CDH4: variants seen among roughly 807,000 people sequenced by gnomAD.
CDH4 encodes the protein cadherin-4.
CDH4 carries 33 observed loss-of-function variants against 86.0 expected under a neutral mutation model. The observed-to-expected ratio is 0.38, with a 90% CI of 0.29 to 0.51. The LOEUF (loss-of-function observed/expected upper bound fraction) is 0.51, where lower values mean the gene tolerates loss of function less well. Ranked by LOEUF, CDH4 falls within the 20% of genes least tolerant of loss-of-function variation. CDH4 has a pLI of 0.86. For synonymous variants in CDH4, 555 were observed against 549.4 expected (o/e 1.01, Z -0.14); for missense variants, 1,114 against 1,307.4 (o/e 0.85, Z 2.28).
Position 61,754,681 on chromosome 20 carries a change from C to T in CDH4, c.396+10892C>T, listed in dbSNP as rs1039242105. 3.4e-5 allele frequency among the ~76,000 whole-genome samples: 5 copies of T among 146,614 alleles called. No individual in the cohort carries two copies. The highest frequency in any genetic ancestry group is 1.3e-4 in the African/African-American group (5 of 39,462). On this transcript the variant is annotated intron_variant, in intron 3 of 15. Coordinates refer to ENST00000614565, the MANE Select transcript of CDH4 (RefSeq NM_001794.5). This position sits in a 1 kb window ranked among gnomAD's most constrained non-coding sequence, Gnocchi z 4.7. ...GCACACACGCCCCGCACACACTATG[C>T]ACACCACACACACAGTGCATGCCAC...
chr20:61,912,270 A>T lies in CDH4; in HGVS notation c.1374+1663A>T, dbSNP rs536107466. On this transcript the variant is annotated intron_variant, in intron 9 of 15. Transcript: ENST00000614565. ...CACTGCATAACATAATTATGGAAAC[A>T]TATCCCAAACTTCTCCTAAGGAAGA... 1.6e-4 allele frequency among the ~76,000 whole-genome samples: 25 copies of T among 152,332 alleles called. No individual in the cohort carries two copies. The South Asian group carries it at 5.0e-3, about 30-fold the overall frequency.
rs981470854 is a variant in CDH4 at position 61,419,604 on chromosome 20, C to T, written c.169+164667C>T. 3.2e-4 allele frequency among the ~76,000 whole-genome samples: 48 copies of T among 152,212 alleles called. 1 individual carries two copies. Among genetic ancestry groups the T allele is most frequent in the African/African-American group, 1.1e-3 (45 of 41,528 alleles). ...CCAGGAAGGTTCTGGCCCTGTCTGC[C>T]TCCCCAGCTCCCTCCCCACCCTCCC... On this transcript the variant is annotated intron_variant, in intron 2 of 15. Transcript: ENST00000614565.
At chr20:61,792,131 C>T (rs530991475) in intron 4 of CDH4, among the ~76,000 whole-genome samples, 3 of 152,100 alleles carry the variant, frequency 2.0e-5, no homozygotes, top group South Asian at 2.1e-4. Context: ...TGGGCTAGGA[C>T]AGTAGAGGCG....
intron 3 of CDH4, among the ~76,000 whole-genome samples, chr20:61,761,269 C>T (rs1439877288): frequency 6.6e-6 from 1 of 152,018 alleles, no homozygotes; most frequent in Non-Finnish European, 1.5e-5. Context: ...TAACCCAAAG[C>T]TATAAGGAAG....
intron 4 of CDH4, among the ~76,000 whole-genome samples, chr20:61,812,719 T>C (rs1568829577): frequency 6.6e-6 from 1 of 152,222 alleles, no homozygotes; most frequent in Non-Finnish European, 1.5e-5. Flanking sequence ...TACGGGGAGT[T>C]GGGGCTTGGA....
chr20:61,327,619 C>G (rs1390754094), intron 2 of CDH4, among the ~76,000 whole-genome samples: 1 of 152,094 alleles, frequency 6.6e-6, no homozygotes, highest in African/African-American at 2.4e-5. Context: ...GTAGGGAAAT[C>G]GATTCTCGTG....
At chr20:61,680,156 C>T (rs1357085852) in intron 2 of CDH4, among the ~76,000 whole-genome samples, 1 of 152,224 alleles carries the variant, frequency 6.6e-6, no homozygotes, top group Non-Finnish European at 1.5e-5. Flanking sequence ...CCCAGCACCA[C>T]CTCCCCAGGA....
At chr20:61,927,496 C>T (rs1189379215) in intron 11 of CDH4, among the ~76,000 whole-genome samples, 2 of 152,214 alleles carry the variant, frequency 1.3e-5, no homozygotes, top group African/African-American at 4.8e-5. Flanking sequence ...TCTGGAGCGG[C>T]CGCGCCTGCT....
At chr20:61,632,858 A>G (rs753244632) in intron 2 of CDH4, among the ~76,000 whole-genome samples, 103 of 47,056 alleles carry the variant, frequency 2.2e-3, no homozygotes, top group Middle Eastern at 0.011. Flanking sequence ...CCACCCTCCC[A>G]CCCACTCACT....
intron 2 of CDH4, chr20:61,570,412 C>T: frequency 4.3e-6 from 2 of 462,462 alleles, no homozygotes; most frequent in South Asian, 3.2e-5. Flanking sequence ...TGCAGACGTA[C>T]ACTTTGGGCT....
At chr20:61,853,117 G>A (rs1364813188) in intron 6 of CDH4, among the ~76,000 whole-genome samples, 1 of 152,218 alleles carries the variant, frequency 6.6e-6, no homozygotes, top group Non-Finnish European at 1.5e-5. Context: ...AGCGATTGCA[G>A]CCACAGCAGG....
At chr20:61,759,094 A>G (rs776660446) in intron 3 of CDH4, among the ~76,000 whole-genome samples, 59 of 152,138 alleles carry the variant, frequency 3.9e-4, no homozygotes, top group Non-Finnish European at 6.8e-4. Context: ...ATGTGTGCGC[A>G]CACACGTCTA....
chr20:61,728,151 C>T (rs2088137223), intron 2 of CDH4, among the ~76,000 whole-genome samples: 1 of 133,240 alleles, frequency 7.5e-6, no homozygotes. Context: ...TAAACCCCAT[C>T]AGCCATAGAA....
intron 2 of CDH4, among the ~76,000 whole-genome samples, chr20:61,565,258 T>TAGGTGGTA (rs1206977191): frequency 1.5e-5 from 1 of 68,628 alleles, no homozygotes; most frequent in Admixed American, 1.6e-4. Flanking sequence ...CTCTTGGTGA[T>TAGGTGGTA]GGTGGTGGTG....
At position 61,252,426 on chromosome 20, in the gene CDH4, AGCGGCGGCGGTGGTCTCGGCGGCGGCG is replaced by A. The variant is rs1431815473; in HGVS notation, c.-77_-51del. 8.8e-5 allele frequency: 46 copies of A among 520,480 alleles called. No homozygotes were observed. The Admixed American group carries it at 1.0e-3, about 12-fold the overall frequency. The allele number at this position is 520,480 out of a possible 1,614,324, so 32.2% of individuals were successfully genotyped here. A position where few individuals can be genotyped will look rare whatever the true frequency, so the allele number is the denominator to read the frequency against. Reference sequence around the variant, plus strand: ...GAGCGGCGGCGGCGGCGGCGATCGGAGCGGCGGCGGTGGTCTCGGCGGCGGCGGCGGCGGCGGCGGCAGGGAGCGGGC... The same window carrying A: ...GAGCGGCGGCGGCGGCGGCGATCGGAGCGGCGGCGGCGGCAGGGAGCGGGC... On this transcript the variant is annotated 5_prime_UTR_variant, in exon 1 of 16. Transcript: ENST00000614565. The surrounding 1 kb of genome is among the most constrained non-coding windows in gnomAD (Gnocchi z 4.4).
chr20:61,871,045 G>GTA (rs1898756309), intron 6 of CDH4, among the ~76,000 whole-genome samples: 1 of 149,150 alleles, frequency 6.7e-6, no homozygotes, highest in Admixed American at 6.7e-5. Context: ...TAGGATGTGT[G>GTA]TGTGTGTGTG....
chr20:61,798,363 C>T (rs1451042155), intron 4 of CDH4, among the ~76,000 whole-genome samples: 3 of 152,226 alleles, frequency 2.0e-5, no homozygotes, highest in African/African-American at 7.2e-5. Flanking sequence ...CCACACTCCT[C>T]ACATACAGAA....
At chr20:61,273,478 G>C (rs2084199376) in intron 2 of CDH4, among the ~76,000 whole-genome samples, 1 of 54,074 alleles carries the variant, frequency 1.8e-5, no homozygotes, top group Non-Finnish European at 4.2e-5. Context: ...CAGTTTGGGG[G>C]AGTATTGGGG....
intron 2 of CDH4, among the ~76,000 whole-genome samples, chr20:61,643,307 G>A (rs1022884959): frequency 6.6e-6 from 1 of 152,180 alleles, no homozygotes; most frequent in African/African-American, 2.4e-5. Context: ...TCCACGAATG[G>A]CTCTGCCCTC....
Sources: allele counts gnomAD v4.1 joint callset (sites outside exome capture counted in the v4.1 genomes callset), GRCh38; gene constraint gnomAD v4.1.1; non-coding constraint Gnocchi (gnomAD v3.1); transcripts MANE v1.5; gene names NCBI Gene and HGNC (gene_info 2026-07-23, HGNC 2026-07-21).